Variants in CA10 observed in about 807,000 individuals in gnomAD.
CA10 encodes carbonic anhydrase 10 (inactive).
Under a neutral mutation model 44.2 loss-of-function variants are expected in CA10, and 14 were observed. The observed-to-expected ratio is 0.32, with a 90% CI of 0.21 to 0.50. The LOEUF is 0.50. Ranked by LOEUF, CA10 falls within the 20% of genes least tolerant of loss-of-function variation. The pLI is 0.99. For missense variants in CA10, 350 were observed against 409.7 expected (o/e 0.85, Z 1.26); for synonymous variants, 159 against 141.6 (o/e 1.12, Z -0.87).
At chr17:51,907,445 T>C (rs1358367346) in intron 3 of CA10, among the ~76,000 whole-genome samples, 1 of 152,102 alleles carries the variant, frequency 6.6e-6, no homozygotes, top group Non-Finnish European at 1.5e-5. Context: ...ACTTACCACA[T>C]TAAAAATATT....
chr17:51,995,173 G>A (rs953239171), intron 2 of CA10, among the ~76,000 whole-genome samples: 8 of 151,958 alleles, frequency 5.3e-5, no homozygotes, highest in Admixed American at 2.6e-4. Context: ...TCACAGAGGA[G>A]TAAAACCATG....
chr17:51,777,873 A>G (rs1905891439), intron 3 of CA10, among the ~76,000 whole-genome samples: 1 of 152,158 alleles, frequency 6.6e-6, no homozygotes, highest in African/African-American at 2.4e-5. Flanking sequence ...TTGAGGCTGT[A>G]GTGAGCCATA....
chr17:52,111,472 T>C (rs746719690), intron 1 of CA10, among the ~76,000 whole-genome samples: 1 of 152,212 alleles, frequency 6.6e-6, no homozygotes, highest in Non-Finnish European at 1.5e-5. Flanking sequence ...TTTAAAGAGA[T>C]AGAAGATGTG....
intron 2 of CA10, among the ~76,000 whole-genome samples, chr17:52,029,021 A>G (rs1986384368): frequency 6.6e-6 from 1 of 152,194 alleles, no homozygotes; most frequent in Non-Finnish European, 1.5e-5. Context: ...TCTTATCTAA[A>G]ACTACTGGAT....
chr17:51,658,310 G>A (rs1483156961), intron 4 of CA10, among the ~76,000 whole-genome samples: 1 of 152,200 alleles, frequency 6.6e-6, no homozygotes, highest in Non-Finnish European at 1.5e-5. Context: ...GACTGAGAAG[G>A]TCTTTGTCCT....
chr17:51,875,581 C>A (rs1055036425), intron 3 of CA10, among the ~76,000 whole-genome samples: 1 of 152,192 alleles, frequency 6.6e-6, no homozygotes, highest in Non-Finnish European at 1.5e-5. Context: ...TACTGCACCC[C>A]AATCTCTGGG....
intron 6 of CA10, among the ~76,000 whole-genome samples, chr17:51,641,933 A>C (rs1265549867): frequency 2.0e-5 from 3 of 152,160 alleles, no homozygotes; most frequent in Admixed American, 2.0e-4. Context: ...AGAACAAGGC[A>C]CGGTAGTTTC....
intron 2 of CA10, among the ~76,000 whole-genome samples, chr17:51,998,420 T>C (rs541896563): frequency 6.6e-6 from 1 of 152,146 alleles, no homozygotes; most frequent in South Asian, 2.1e-4. Flanking sequence ...CAAGAATAAA[T>C]TTAACTTTAC....
chr17:52,012,917 G>A (rs1465532970), intron 2 of CA10, among the ~76,000 whole-genome samples: 1 of 151,936 alleles, frequency 6.6e-6, no homozygotes, highest in Non-Finnish European at 1.5e-5. Context: ...CTCTGCTGTA[G>A]ATAGGGAGTT....
intron 1 of CA10, among the ~76,000 whole-genome samples, chr17:52,119,794 T>C (rs1421066603): frequency 6.6e-6 from 1 of 152,214 alleles, no homozygotes; most frequent in South Asian, 2.1e-4. Context: ...TGGAGAGAGA[T>C]AAATTATGTT....
intron 3 of CA10, 56 bp downstream of exon 3, chr17:51,930,934 C>G (rs1982631316): frequency 6.3e-7 from 1 of 1,598,004 alleles, no homozygotes. Flanking sequence ...GATTAGCTTT[C>G]AGAATCAAGA....
At chr17:52,012,279 G>GT (rs1429783236) in intron 2 of CA10, among the ~76,000 whole-genome samples, 1 of 151,850 alleles carries the variant, frequency 6.6e-6, no homozygotes, top group Non-Finnish European at 1.5e-5. Context: ...TTATTTTCAG[G>GT]TAAGAAACTG....
chr17:52,157,836 G>A lies in CA10; in HGVS notation c.-50C>T. The A allele has an allele frequency of 6.7e-7, 1 of 1,485,974 alleles. No homozygotes were observed. The highest frequency in any genetic ancestry group is 2.3e-5 in the East Asian group (1 of 44,190). The allele number at this position is 1,485,974 out of a possible 1,614,324, so 92.0% of individuals were successfully genotyped here. A position where few individuals can be genotyped will look rare whatever the true frequency, so the allele number is the denominator to read the frequency against. ...TCACTCGACGGGAAAACGGGGGGAA[G>A]GGGGGAGCCCGACACGGCACACACA... On this transcript the variant is annotated 5_prime_UTR_variant, in exon 1 of 9. Coordinates refer to ENST00000451037, the MANE Select transcript of CA10 (RefSeq NM_020178.5).
At chr17:51,997,967 C>T (rs1269925678) in intron 2 of CA10, among the ~76,000 whole-genome samples, 1 of 152,060 alleles carries the variant, frequency 6.6e-6, no homozygotes, top group East Asian at 1.9e-4. Context: ...CCTAAGGTCA[C>T]TTTCCTAGTG....
intron 3 of CA10, among the ~76,000 whole-genome samples, chr17:51,929,297 T>G (rs2143990106): frequency 6.6e-6 from 1 of 152,296 alleles, no homozygotes; most frequent in African/African-American, 2.4e-5. Context: ...ATCCATTGTT[T>G]GTGTTAGTTT....
chr17:51,871,519 T>C (rs1979814582), intron 3 of CA10, among the ~76,000 whole-genome samples: 2 of 150,080 alleles, frequency 1.3e-5, no homozygotes, highest in Admixed American at 6.7e-5. Context: ...GGATTACAGA[T>C]GTGAGCCATC....
intron 2 of CA10, among the ~76,000 whole-genome samples, chr17:51,945,097 C>T (rs763257989): frequency 6.6e-6 from 1 of 152,114 alleles, no homozygotes; most frequent in Non-Finnish European, 1.5e-5. Flanking sequence ...CTATATCAAG[C>T]AAGAATTCCT....
At chr17:51,856,274 T>C (rs1979038629) in intron 3 of CA10, among the ~76,000 whole-genome samples, 1 of 152,110 alleles carries the variant, frequency 6.6e-6, no homozygotes, top group Non-Finnish European at 1.5e-5. Context: ...AACTCTGCAT[T>C]GCAAACTCAT....
intron 4 of CA10, among the ~76,000 whole-genome samples, chr17:51,695,880 G>A (rs924007177): frequency 3.3e-5 from 5 of 152,112 alleles, no homozygotes. Context: ...ACTTAGGGAT[G>A]TTGGATTTTA....
Sources: gnomAD v4.1 joint callset for allele counts (sites outside exome capture counted in the v4.1 genomes callset) on GRCh38, gnomAD v4.1.1 for gene constraint, MANE v1.5 for transcripts, NCBI Gene and HGNC (gene_info 2026-07-23, HGNC 2026-07-21) for gene names.